PFKP: variants seen among roughly 807,000 people sequenced by gnomAD.
The protein encoded by PFKP is phosphofructokinase, platelet, also known as ATP-dependent 6-phosphofructokinase, platelet type.
In PFKP, 101 loss-of-function variants were observed where a neutral mutation model predicts 94.3. The observed-to-expected ratio is 1.07, with a 90% CI of 0.91 to 1.26. PFKP has a LOEUF of 1.26. Ranked by LOEUF, PFKP falls within the 50% of genes most tolerant of loss-of-function variation. PFKP has a pLI of 0.00. For synonymous variants in PFKP, 573 were observed against 432.6 expected, an observed-to-expected ratio of 1.32 and a Z score of -4.03; for missense variants, 1,145 against 1,103.3, an observed-to-expected ratio of 1.04 and a Z score of -0.53.
chr10:3,104,402 G>T (rs568143228), intron 5 of PFKP, among the ~76,000 whole-genome samples: 1 of 152,296 alleles, frequency 6.6e-6, no homozygotes, highest in South Asian at 2.1e-4. Context: ...ACTGTGGGGC[G>T]CACCGTACAA....
chr10:3,119,545 C>T (rs913275197), intron 15 of PFKP, among the ~76,000 whole-genome samples: 10 of 152,146 alleles, frequency 6.6e-5, no homozygotes, highest in African/African-American at 2.4e-4. Context: ...GCGGAGGTTG[C>T]AGTGAGACGA....
chr10:3,083,582 T>G (rs1225127559), intron 2 of PFKP, among the ~76,000 whole-genome samples: 3 of 152,208 alleles, frequency 2.0e-5, no homozygotes, highest in Non-Finnish European at 4.4e-5. Context: ...ACTGTGTTTT[T>G]TGTTTACGAT....
In PFKP at chr10:3,133,191, C is replaced by T. The variant is rs201823004; in HGVS notation, c.1911-12C>T. ...CACGCTAAACAAAGTGACTCCTTCT[C>T]GCTCGTTTCAGAAATGAGAGCTGCA... is the stretch of plus-strand genomic sequence containing the variant. On this transcript the variant is annotated splice_polypyrimidine_tract_variant and intron_variant, in intron 18 of 21. Coordinates refer to ENST00000381125, the MANE Select transcript of PFKP (RefSeq NM_002627.5). 2.3e-4 allele frequency: 373 copies of T among 1,602,892 alleles called. No homozygotes were observed. In the African/African-American group the frequency reaches 3.0e-3, roughly 13 times the overall value.
intron 20 of PFKP, among the ~76,000 whole-genome samples, 182 bp from the exon 21 acceptor site, chr10:3,135,552 GGA>G (rs1839163700): frequency 6.6e-6 from 1 of 152,198 alleles, no homozygotes; most frequent in Non-Finnish European, 1.5e-5. Flanking sequence ...CAGTCCCACA[GGA>G]GCAGAGCTGC....
chr10:3,072,123 G>C (rs1173068107), intron 1 of PFKP, among the ~76,000 whole-genome samples: 1 of 152,258 alleles, frequency 6.6e-6, no homozygotes, highest in Non-Finnish European at 1.5e-5. Flanking sequence ...GAAACCAGGG[G>C]TTCTAGCTGT....
Position 3,132,454 on chromosome 10 carries a change from G to T in PFKP, c.1910+13G>T. Reference sequence around the variant, plus strand: ...GCCTTGTGCTCAGGTGAGAGAGAGAGACCAGGGGCTGATCTTACCCTCACC... The same window carrying T: ...GCCTTGTGCTCAGGTGAGAGAGAGATACCAGGGGCTGATCTTACCCTCACC... On this transcript the variant is annotated intron_variant, in intron 18 of 21. Coordinates refer to ENST00000381125, the MANE Select transcript of PFKP (RefSeq NM_002627.5). 1.3e-6 allele frequency: 2 copies of T among 1,586,646 alleles called. No individual in the cohort carries two copies. The highest frequency in any genetic ancestry group is 2.2e-5 in the South Asian group (2 of 90,484).
intron 10 of PFKP, among the ~76,000 whole-genome samples, chr10:3,110,241 C>T (rs982904905): frequency 4.6e-5 from 7 of 152,112 alleles, no homozygotes; most frequent in African/African-American, 1.7e-4. Flanking sequence ...CACTGTTGCC[C>T]AGGCTAGAGT....
At chr10:3,125,626 G>C (rs1387680808) in intron 16 of PFKP, among the ~76,000 whole-genome samples, 1 of 152,198 alleles carries the variant, frequency 6.6e-6, no homozygotes, top group Non-Finnish European at 1.5e-5. Flanking sequence ...CGAGCTCCAG[G>C]ACAGAGCCGT....
At chr10:3,120,455 G>C (rs1386540831) in intron 16 of PFKP, among the ~76,000 whole-genome samples, 1 of 151,986 alleles carries the variant, frequency 6.6e-6, no homozygotes, top group Non-Finnish European at 1.5e-5. Flanking sequence ...CCCCTGCCTT[G>C]ATGCTGAGGG....
chr10:3,130,602 C>G (rs868676243), intron 17 of PFKP, among the ~76,000 whole-genome samples: 1 of 152,208 alleles, frequency 6.6e-6, no homozygotes, highest in African/African-American at 2.4e-5. Context: ...TGCTGTCACC[C>G]AGGCTGGAGT....
At chr10:3,082,613 C>T (rs1833176332) in intron 2 of PFKP, 152 bp downstream of exon 2, 2 of 483,798 alleles carry the variant, frequency 4.1e-6, no homozygotes, top group African/African-American at 2.0e-5. Flanking sequence ...GGCCGTTCCT[C>T]AGCCCACAGA....
At chr10:3,080,688 C>T (rs1833001189) in intron 1 of PFKP, among the ~76,000 whole-genome samples, 2 of 151,414 alleles carry the variant, frequency 1.3e-5, no homozygotes, top group African/African-American at 4.9e-5. Flanking sequence ...GTGGCTGTTA[C>T]TTCATTTGTT....
intron 16 of PFKP, 89 bp downstream of exon 16, chr10:3,120,133 A>G: frequency 9.7e-7 from 1 of 1,027,284 alleles, no homozygotes; most frequent in Non-Finnish European, 1.5e-6. Context: ...CGCTAGAAAT[A>G]GCCTTTTACA....
chr10:3,077,747 C>T (rs182753886), intron 1 of PFKP, among the ~76,000 whole-genome samples: 2 of 152,144 alleles, frequency 1.3e-5, no homozygotes, highest in Non-Finnish European at 2.9e-5. Context: ...AGGAAGAAAC[C>T]GTCCTGTGAC....
At chr10:3,131,542 C>T (rs188428207) in intron 17 of PFKP, among the ~76,000 whole-genome samples, 6 of 152,174 alleles carry the variant, frequency 3.9e-5, no homozygotes, top group East Asian at 1.9e-4. Flanking sequence ...CTGCAACTTC[C>T]GCCTCCTGGG....
chr10:3,133,089 A>AT (rs1588578908), intron 18 of PFKP, 114 bp from the exon 19 acceptor site: 6 of 750,518 alleles, frequency 8.0e-6, no homozygotes, highest in Non-Finnish European at 1.2e-5. Flanking sequence ...TTGATGTAGA[A>AT]TCACCATAGG....
At chr10:3,069,529 C>G (rs950635013) in intron 1 of PFKP, 2 of 731,018 alleles carry the variant, frequency 2.7e-6, no homozygotes, top group Admixed American at 5.9e-5. Flanking sequence ...GGAAGAGGAA[C>G]TGATCTCTGG....
intron 21 of PFKP, among the ~76,000 whole-genome samples, chr10:3,136,201 G>A (rs1053430069): frequency 1.3e-5 from 2 of 152,194 alleles, no homozygotes; most frequent in Admixed American, 6.5e-5. Flanking sequence ...GGAGGCAGAG[G>A]TTGCAGTGAG....
rs1180771898 is a variant in PFKP, at chr10:3,129,723, G to T, written c.1684-96G>T. ...CTGGGACCGCATGTTTGGGCGCGGTGGGGGGGCCTTGCTGCACTCACTCTT... is the reference window on the plus strand; with the variant it reads ...CTGGGACCGCATGTTTGGGCGCGGTTGGGGGGCCTTGCTGCACTCACTCTT... On this transcript the variant is annotated intron_variant, in intron 16 of 21. Coordinates refer to ENST00000381125, the MANE Select transcript of PFKP (RefSeq NM_002627.5). 6.1e-6 allele frequency: 8 copies of T among 1,316,618 alleles called. No homozygotes were observed. The East Asian group carries it at 1.6e-4, about 27-fold the overall frequency. 81.6% of individuals were successfully genotyped at this position (1,316,618 alleles called of 1,614,324 possible).
Sources: gnomAD v4.1 joint callset for allele counts (sites outside exome capture counted in the v4.1 genomes callset) on GRCh38, gnomAD v4.1.1 for gene constraint, MANE v1.5 for transcripts, NCBI Gene and HGNC (gene_info 2026-07-23, HGNC 2026-07-21) for gene names.